Variants in GPR137C observed in about 807,000 individuals in gnomAD.
GPR137C encodes the protein integral membrane protein GPR137C.
A neutral mutation model predicts 43.4 loss-of-function variants in GPR137C; 27 were observed. That is an observed-to-expected ratio of 0.62 (90% CI 0.46 to 0.86). The LOEUF (loss-of-function observed/expected upper bound fraction) is 0.86, where lower values mean the gene tolerates loss of function less well. Ranked by LOEUF, GPR137C falls within the 40% of genes least tolerant of loss-of-function variation. The pLI is 0.00. For missense variants in GPR137C, 522 were observed against 534.6 expected (o/e 0.98, Z 0.23); for synonymous variants, 285 against 226.9 (o/e 1.26, Z -2.30).
intron 3 of GPR137C, among the ~76,000 whole-genome samples, chr14:52,629,104 A>G (rs1363488756): frequency 6.6e-6 from 1 of 152,228 alleles, no homozygotes; most frequent in African/African-American, 2.4e-5. Flanking sequence ...AAAAAGATTG[A>G]CAGTCCCAAA....
intron 3 of GPR137C, among the ~76,000 whole-genome samples, chr14:52,606,190 T>C (rs756175916): frequency 6.6e-6 from 1 of 152,172 alleles, no homozygotes; most frequent in Non-Finnish European, 1.5e-5. Context: ...TTTTCTTTGT[T>C]GGGGGACTTT....
At chr14:52,613,147 G>A (rs559366889) in intron 3 of GPR137C, 1 of 151,834 alleles carries the variant, frequency 6.6e-6, no homozygotes, top group South Asian at 2.1e-4. Context: ...TCGGGAGGCT[G>A]AGGCAGGAGA....
chr14:52,578,062 A>G (rs1175751641), intron 1 of GPR137C, among the ~76,000 whole-genome samples: 1 of 152,186 alleles, frequency 6.6e-6, no homozygotes, highest in Non-Finnish European at 1.5e-5. Context: ...CTGATTTTTT[A>G]TTATGTATAT....
intron 3 of GPR137C, among the ~76,000 whole-genome samples, chr14:52,627,882 G>T (rs1016636563): frequency 9.2e-5 from 14 of 152,026 alleles, no homozygotes; most frequent in Non-Finnish European, 1.5e-5. Context: ...ATAAAGTAGT[G>T]CTTTCCTATG....
intron 1 of GPR137C, among the ~76,000 whole-genome samples, chr14:52,575,601 C>A (rs181282417): frequency 6.6e-6 from 1 of 152,194 alleles, no homozygotes; most frequent in Admixed American, 6.5e-5. Flanking sequence ...GTTGCTGTGA[C>A]ATATAGGTGG....
chr14:52,625,704 G>A (rs529389983), intron 3 of GPR137C, among the ~76,000 whole-genome samples: 19 of 151,072 alleles, frequency 1.3e-4, no homozygotes, highest in Non-Finnish European at 2.2e-4. Flanking sequence ...ACAGGCACCC[G>A]CCACCATGCC....
At chr14:52,554,966 A>T (rs773144609) in intron 1 of GPR137C, among the ~76,000 whole-genome samples, 4 of 152,172 alleles carry the variant, frequency 2.6e-5, no homozygotes, top group Non-Finnish European at 4.4e-5. Context: ...AGCATAGGTT[A>T]TCACAAATCA....
intron 1 of GPR137C, among the ~76,000 whole-genome samples, chr14:52,564,168 G>A (rs1005260826): frequency 9.9e-5 from 15 of 151,658 alleles, no homozygotes; most frequent in Admixed American, 8.5e-4. Context: ...TCAGCTACTC[G>A]GGAGGCTGAG....
At chr14:52,583,502 C>G (rs1420894808) in intron 1 of GPR137C, among the ~76,000 whole-genome samples, 2 of 152,086 alleles carry the variant, frequency 1.3e-5, no homozygotes, top group Non-Finnish European at 2.9e-5. Flanking sequence ...CCCATTATCC[C>G]AAGACCTGTA....
chr14:52,555,702 C>T (rs1303202771), intron 1 of GPR137C, among the ~76,000 whole-genome samples: 1 of 152,170 alleles, frequency 6.6e-6, no homozygotes, highest in African/African-American at 2.4e-5. Flanking sequence ...CTGAAAAATA[C>T]AATTTGGAAA....
intron 1 of GPR137C, among the ~76,000 whole-genome samples, chr14:52,596,237 C>T (rs1207497645): frequency 2.0e-5 from 3 of 152,176 alleles, no homozygotes; most frequent in South Asian, 4.1e-4. Flanking sequence ...TGTCTGTCGG[C>T]CCCTACTGGG....
At chr14:52,555,122 A>G (rs1428219207) in intron 1 of GPR137C, among the ~76,000 whole-genome samples, 1 of 152,176 alleles carries the variant, frequency 6.6e-6, no homozygotes, top group Admixed American at 6.5e-5. Flanking sequence ...GTGACTTCTC[A>G]ACGCTGAAGC....
intron 3 of GPR137C, among the ~76,000 whole-genome samples, chr14:52,607,597 C>T (rs2038996083): frequency 6.6e-6 from 1 of 152,076 alleles, no homozygotes; most frequent in Non-Finnish European, 1.5e-5. Context: ...TTTATCTGGC[C>T]AAGTGCAGTG....
intron 4 of GPR137C, 92 bp downstream of exon 4, chr14:52,632,401 A>G: frequency 1.2e-6 from 1 of 862,328 alleles, no homozygotes; most frequent in Non-Finnish European, 1.8e-6. Context: ...TTACAAACAC[A>G]TTTATGGAAT....
At position 52,553,086 on chromosome 14, in the gene GPR137C, A is replaced by C; in HGVS notation, c.-62A>C. 1 of 940,410 alleles carries C rather than the reference A, an allele frequency of 1.1e-6. No individual in the cohort carries two copies. The allele number at this position is 940,410 out of a possible 1,614,324, so 58.3% of individuals were successfully genotyped here. A position where few individuals can be genotyped will look rare whatever the true frequency, so the allele number is the denominator to read the frequency against. On this transcript the variant is annotated 5_prime_UTR_variant, in exon 1 of 7. Transcript: ENST00000321662. The stretch of plus-strand genomic sequence containing the variant: ...AAGGGGGCAGTCCTTCTCCCCTTCG[A>C]CGGCGGCTCCGAGTCCAGCCCCTTC...
In GPR137C at chr14:52,633,961, G is replaced by C; in HGVS notation, c.1112+15G>C. The C allele has an allele frequency of 7.2e-7, 1 of 1,382,056 alleles. No individual in the cohort carries two copies. The highest frequency in any genetic ancestry group is 1.0e-6 in the Non-Finnish European group (1 of 971,760). 85.6% of individuals were successfully genotyped at this position (1,382,056 alleles called of 1,614,324 possible). ...AGAGAAGGAAGGTAGATGTAACAAA[G>C]CCACTTAGCCTGAATTACTATTGAA... On this transcript the variant is annotated intron_variant, in intron 6 of 6. Transcript: ENST00000321662.
At chr14:52,605,812 T>C (rs1368550813) in intron 3 of GPR137C, among the ~76,000 whole-genome samples, 3 of 152,234 alleles carry the variant, frequency 2.0e-5, no homozygotes, top group Non-Finnish European at 4.4e-5. Flanking sequence ...ATGTGGTTTT[T>C]GTTCTTCATT....
intron 1 of GPR137C, among the ~76,000 whole-genome samples, chr14:52,569,706 A>C (rs1248190240): frequency 3.3e-5 from 5 of 151,908 alleles, no homozygotes; most frequent in African/African-American, 7.3e-5. Context: ...TTGAAGATCA[A>C]CTTAATGAAA....
intron 1 of GPR137C, among the ~76,000 whole-genome samples, chr14:52,586,772 T>A (rs71422090): frequency 0.11 from 16,366 of 152,220 alleles, 1,137 homozygotes; most frequent in Non-Finnish European, 0.15. Context: ...TCTGCCTAGA[T>A]GTAATACATT....
Sources: allele counts gnomAD v4.1 joint callset (sites outside exome capture counted in the v4.1 genomes callset), GRCh38; gene constraint gnomAD v4.1.1; transcripts MANE v1.5; gene names NCBI Gene and HGNC (gene_info 2026-07-23, HGNC 2026-07-21).